The following C1orf21 variants were observed in gnomAD, a reference collection of about 807,000 sequenced individuals.
C1orf21 encodes the protein chromosome 1 open reading frame 21.
A neutral mutation model predicts 18.7 loss-of-function variants in C1orf21; 3 were observed. The observed-to-expected ratio is 0.16, with a 90% CI of 0.07 to 0.42. The LOEUF (loss-of-function observed/expected upper bound fraction) is 0.42, where lower values mean the gene tolerates loss of function less well. C1orf21 is among the 10% of genes least tolerant of loss of function. The pLI is 0.99. For missense variants in C1orf21, 104 were observed against 143.6 expected (o/e 0.72, Z 1.41); for synonymous variants, 41 against 46.4 (o/e 0.88, Z 0.47).
At chr1:184,391,920 A>G (rs945859877) in intron 1 of C1orf21, among the ~76,000 whole-genome samples, 1 of 151,956 alleles carries the variant, frequency 6.6e-6, no homozygotes, top group Non-Finnish European at 1.5e-5. Flanking sequence ...GTTGGCCAGG[A>G]TGGTCTCGAT....
In C1orf21 at chr1:184,410,681, T is replaced by G. The variant is rs1571345315; in HGVS notation, c.-125+23313T>G. On this transcript the variant is annotated intron_variant, in intron 1 of 5. Coordinates refer to ENST00000235307, the MANE Select transcript of C1orf21 (RefSeq NM_030806.4). ...TATATATATTTTTTTTTTTTTTTTT[T>G]GAGATGGAGTTTCGCTCCTGTTGCC... Among the ~76,000 whole-genome samples the G allele has an allele frequency of 4.1e-5, 3 of 72,942 alleles. 1 individual carries two copies. The highest frequency in any genetic ancestry group is 3.6e-4 in the African/African-American group (3 of 8,330). 47.9% of individuals were successfully genotyped at this position (72,942 alleles called of 152,430 possible).
At chr1:184,499,152 C>T (rs910449362) in intron 2 of C1orf21, among the ~76,000 whole-genome samples, 3 of 152,070 alleles carry the variant, frequency 2.0e-5, no homozygotes, top group Admixed American at 1.3e-4. Flanking sequence ...TCCTCCCCTT[C>T]CTCCTCCTCC....
chr1:184,449,877 G>T (rs1657096613), intron 1 of C1orf21, among the ~76,000 whole-genome samples: 1 of 152,200 alleles, frequency 6.6e-6, no homozygotes, highest in Admixed American at 6.5e-5. Flanking sequence ...ACCACGCCAG[G>T]TTCAGGGAGA....
At chr1:184,583,740 A>G (rs537914049) in intron 3 of C1orf21, among the ~76,000 whole-genome samples, 352 of 152,296 alleles carry the variant, frequency 2.3e-3, no homozygotes, top group Admixed American at 3.7e-3. Context: ...GGGAAACTCT[A>G]TTTTAACACA....
intron 3 of C1orf21, among the ~76,000 whole-genome samples, chr1:184,564,029 A>G (rs1659000503): frequency 1.3e-5 from 2 of 152,212 alleles, no homozygotes; most frequent in Non-Finnish European, 2.9e-5. Context: ...GAGGTGATCA[A>G]CAGTCATTGT....
At chr1:184,437,283 A>C (rs1656873941) in intron 1 of C1orf21, among the ~76,000 whole-genome samples, 1 of 152,118 alleles carries the variant, frequency 6.6e-6, no homozygotes, top group Non-Finnish European at 1.5e-5. Flanking sequence ...GATCAGGCGT[A>C]CTCCAAAATG....
At chr1:184,453,449 T>G (rs1207191405) in intron 1 of C1orf21, among the ~76,000 whole-genome samples, 2 of 152,236 alleles carry the variant, frequency 1.3e-5, no homozygotes. Flanking sequence ...ACATTTTTGC[T>G]AGTGCTGCCT....
At chr1:184,499,963 C>T (rs1232265958) in intron 2 of C1orf21, among the ~76,000 whole-genome samples, 1 of 152,150 alleles carries the variant, frequency 6.6e-6, no homozygotes, top group African/African-American at 2.4e-5. Context: ...AGAGTCCCAG[C>T]AGTTCTTCAG....
chr1:184,502,163 T>G (rs200006876), intron 2 of C1orf21, among the ~76,000 whole-genome samples: 1 of 140,618 alleles, frequency 7.1e-6, no homozygotes, highest in Non-Finnish European at 1.6e-5. Context: ...TGGGTATTTT[T>G]GCAAACAATG....
rs1364954952 is a variant in C1orf21 at position 184,624,861 on chromosome 1, C to G, written c.*5305C>G. On this transcript the variant is annotated 3_prime_UTR_variant, in exon 6 of 6. Transcript: ENST00000235307. ...CATCCTCTAAAGATGACTCATGTCT[C>G]CATAGCAACTGTTAAAGGTGCTGCC... 6.6e-6 allele frequency: 1 copy of G among 152,216 alleles called. No individual in the cohort carries two copies. The highest frequency in any genetic ancestry group is 1.5e-5 in the Non-Finnish European group (1 of 68,048). The allele number at this position is 152,216 out of a possible 1,614,324, so 9.4% of individuals were successfully genotyped here. A position where few individuals can be genotyped will look rare whatever the true frequency, so the allele number is the denominator to read the frequency against.
intron 1 of C1orf21, among the ~76,000 whole-genome samples, chr1:184,433,377 C>A (rs1656800173): frequency 6.6e-6 from 1 of 152,162 alleles, no homozygotes; most frequent in Non-Finnish European, 1.5e-5. Flanking sequence ...ACATGTCATG[C>A]ATTCATAGTG....
At chr1:184,479,845 A>C (rs1396452494) in intron 2 of C1orf21, among the ~76,000 whole-genome samples, 1 of 149,748 alleles carries the variant, frequency 6.7e-6, no homozygotes, top group Non-Finnish European at 1.5e-5. Flanking sequence ...CTGATCTAAA[A>C]CTCCTGGACT....
chr1:184,536,802 C>A (rs1487816666), intron 3 of C1orf21, among the ~76,000 whole-genome samples: 1 of 150,478 alleles, frequency 6.6e-6, no homozygotes, highest in Non-Finnish European at 1.5e-5. Context: ...CAGGGGTGAC[C>A]TTGTAAATTT....
At chr1:184,500,109 T>C (rs1657951574) in intron 2 of C1orf21, among the ~76,000 whole-genome samples, 1 of 152,204 alleles carries the variant, frequency 6.6e-6, no homozygotes, top group Non-Finnish European at 1.5e-5. Context: ...TGTTCCTTGA[T>C]TGGGAATGAT....
At chr1:184,493,836 C>G (rs1458162635) in intron 2 of C1orf21, among the ~76,000 whole-genome samples, 1 of 152,044 alleles carries the variant, frequency 6.6e-6, no homozygotes, top group Admixed American at 6.5e-5. Context: ...GCCTTGTTTC[C>G]CATGATGCAA....
intron 1 of C1orf21, among the ~76,000 whole-genome samples, chr1:184,424,425 A>G (rs560307915): frequency 6.6e-6 from 1 of 152,282 alleles, no homozygotes; most frequent in Non-Finnish European, 1.5e-5. Flanking sequence ...TAGGCTTTCC[A>G]TTGTCCAGAC....
At chr1:184,606,501 G>A (rs575864614) in intron 5 of C1orf21, among the ~76,000 whole-genome samples, 2 of 152,286 alleles carry the variant, frequency 1.3e-5, no homozygotes, top group South Asian at 4.1e-4. Flanking sequence ...GATCACTTGA[G>A]CCCAGGAGTT....
chr1:184,599,266 C>G (rs899456785), intron 5 of C1orf21: 1 of 152,158 alleles, frequency 6.6e-6, no homozygotes, highest in Non-Finnish European at 1.5e-5. Context: ...GTGTGACAGG[C>G]TGATTTTTAC....
At chr1:184,453,834 C>G (rs1657156965) in intron 1 of C1orf21, among the ~76,000 whole-genome samples, 1 of 152,188 alleles carries the variant, frequency 6.6e-6, no homozygotes, top group African/African-American at 2.4e-5. Flanking sequence ...ACTGTCCCTA[C>G]TTTGCCCAGA....
Sources: gnomAD v4.1 joint callset for allele counts (sites outside exome capture counted in the v4.1 genomes callset) on GRCh38, gnomAD v4.1.1 for gene constraint, MANE v1.5 for transcripts, NCBI Gene and HGNC (gene_info 2026-07-23, HGNC 2026-07-21) for gene names.